Variants in DCAF6 observed in about 807,000 individuals in gnomAD.
The protein encoded by DCAF6 is DDB1- and CUL4-associated factor 6.
DCAF6 carries 54 observed loss-of-function variants against 125.1 expected under a neutral mutation model. The ratio of observed to expected loss-of-function variants is 0.43; its 90% confidence interval spans 0.35 to 0.54. The LOEUF (loss-of-function observed/expected upper bound fraction) is 0.54. Ranked by LOEUF, DCAF6 falls within the 20% of genes least tolerant of loss-of-function variation. The pLI is 0.01. For synonymous variants in DCAF6, 371 were observed against 390.4 expected (o/e 0.95, Z 0.58); for missense variants, 934 against 1,161.7 (o/e 0.80, Z 2.85).
intron 18 of DCAF6, 48 bp downstream of exon 18, chr1:168,063,807 CTGAG>C (rs1445297529): frequency 1.9e-6 from 3 of 1,563,464 alleles, no homozygotes; most frequent in Non-Finnish European, 8.6e-7. Flanking sequence ...GTTTCATGCT[CTGAG>C]TGTTTTTCCA....
intron 12 of DCAF6, among the ~76,000 whole-genome samples, chr1:168,026,245 T>C (rs1686325075): frequency 6.6e-6 from 1 of 152,204 alleles, no homozygotes; most frequent in East Asian, 1.9e-4. Context: ...AATATTTTCA[T>C]TTAATAATTT....
chr1:168,039,332 T>C (rs1688206429), intron 13 of DCAF6, among the ~76,000 whole-genome samples: 1 of 151,728 alleles, frequency 6.6e-6, no homozygotes, highest in Non-Finnish European at 1.5e-5. Flanking sequence ...AAAATACTTT[T>C]AGTATTTAAT....
the DCAF6 span, among the ~76,000 whole-genome samples, chr1:167,867,868 A>G: frequency 6.6e-6 from 1 of 152,166 alleles, no homozygotes; most frequent in African/African-American, 2.4e-5. Flanking sequence ...GTCTTGTGTC[A>G]TCTAGGCTAC....
At chr1:168,017,056 G>A in intron 11 of DCAF6, among the ~76,000 whole-genome samples, 1 of 151,504 alleles carries the variant, frequency 6.6e-6, no homozygotes, top group South Asian at 2.1e-4. Flanking sequence ...TGATGTTTGG[G>A]ATAAATCATA....
At chr1:167,897,149 G>T in the DCAF6 span, among the ~76,000 whole-genome samples, 1 of 150,562 alleles carries the variant, frequency 6.6e-6, no homozygotes, top group Non-Finnish European at 1.5e-5. Context: ...AGGATGGCAC[G>T]ATCTCATTTT....
At chr1:168,068,532 T>C (rs1390720846) in intron 21 of DCAF6, 69 bp downstream of exon 21, 6 of 770,932 alleles carry the variant, frequency 7.8e-6, no homozygotes, top group Non-Finnish European at 1.1e-5. Flanking sequence ...TAAGATCTGC[T>C]TTAAAGGGGT....
the DCAF6 span, among the ~76,000 whole-genome samples, chr1:167,867,778 GA>G: frequency 2.7e-3 from 383 of 141,742 alleles, no homozygotes; most frequent in African/African-American, 6.1e-3. Flanking sequence ...TCTTTAAACT[GA>G]AAAAAAAAAA....
the DCAF6 span, chr1:167,905,048 T>C: frequency 6.2e-7 from 1 of 1,614,116 alleles, no homozygotes; most frequent in African/African-American, 1.3e-5. Flanking sequence ...AGGGTCGCTC[T>C]GGGGAGAAAT....
chr1:168,031,563 A>G (rs1687093983), intron 12 of DCAF6, among the ~76,000 whole-genome samples: 1 of 152,264 alleles, frequency 6.6e-6, no homozygotes, highest in Non-Finnish European at 1.5e-5. Flanking sequence ...CTAGGAGGAC[A>G]GTAACTGGAA....
the DCAF6 span, chr1:167,870,213 G>A: frequency 1.2e-6 from 2 of 1,610,124 alleles, no homozygotes; most frequent in Non-Finnish European, 1.7e-6. Context: ...AAATAAATCA[G>A]GATTCTATGG....
At chr1:168,016,547 AT>A (rs1684998458) in intron 11 of DCAF6, among the ~76,000 whole-genome samples, 1 of 152,116 alleles carries the variant, frequency 6.6e-6, no homozygotes, top group African/African-American at 2.4e-5. Flanking sequence ...TGTTCTTATT[AT>A]GCTATAAAAC....
intron 7 of DCAF6, among the ~76,000 whole-genome samples, chr1:167,997,409 C>G (rs1302128239): frequency 2.6e-5 from 4 of 152,116 alleles, no homozygotes; most frequent in Non-Finnish European, 5.9e-5. Context: ...AAGCTTTGTT[C>G]TGGTTATTCC....
intron 5 of DCAF6, among the ~76,000 whole-genome samples, chr1:167,989,402 A>G (rs370468059): frequency 9.3e-4 from 142 of 152,348 alleles, no homozygotes; most frequent in Middle Eastern, 3.4e-3. Context: ...TTCCTTAGTA[A>G]AACTTTTCCT....
intron 21 of DCAF6, among the ~76,000 whole-genome samples, chr1:168,073,805 T>C (rs1693431921): frequency 6.6e-6 from 1 of 151,810 alleles, no homozygotes; most frequent in Non-Finnish European, 1.5e-5. Flanking sequence ...TGTTCTCTCT[T>C]GAAAGTATCA....
chr1:167,910,823 A>G, the DCAF6 span, among the ~76,000 whole-genome samples: 106 of 152,312 alleles, frequency 7.0e-4, no homozygotes, highest in Middle Eastern at 3.4e-3. Flanking sequence ...TCACTGGCTC[A>G]ACTTTGACTT....
chr1:167,954,204 C>A (rs111673721), intron 2 of DCAF6, among the ~76,000 whole-genome samples: 2 of 151,882 alleles, frequency 1.3e-5, no homozygotes, highest in Admixed American at 1.3e-4. Context: ...CGGGGTTTCG[C>A]CGTGTTGGCT....
intron 19 of DCAF6, 48 bp downstream of exon 19, chr1:168,065,794 C>A: frequency 6.7e-7 from 1 of 1,489,354 alleles, no homozygotes; most frequent in South Asian, 1.2e-5. Flanking sequence ...TTGTATGACT[C>A]ATCAGTCATA....
intron 17 of DCAF6, 46 bp downstream of exon 17, chr1:168,050,979 GC>G: frequency 9.2e-7 from 1 of 1,086,248 alleles, no homozygotes; most frequent in South Asian, 2.4e-5. Flanking sequence ...TGATGGATTT[GC>G]CAGGTCTTCT....
chr1:167,950,126 C>A (rs1362089490), intron 1 of DCAF6, among the ~76,000 whole-genome samples: 1 of 152,206 alleles, frequency 6.6e-6, no homozygotes, highest in Non-Finnish European at 1.5e-5. Context: ...TTTCTCCAGA[C>A]TGAAGTGGCT....
Sources: allele counts gnomAD v4.1 joint callset (sites outside exome capture counted in the v4.1 genomes callset), GRCh38; gene constraint gnomAD v4.1.1; transcripts MANE v1.5; gene names NCBI Gene and HGNC (gene_info 2026-07-23, HGNC 2026-07-21).